Variants in STARD13 observed in about 807,000 individuals in gnomAD.
STARD13 encodes StAR related lipid transfer domain containing 13, also known as stAR-related lipid transfer protein 13.
A neutral mutation model predicts 106.4 loss-of-function variants in STARD13; 62 were observed. The observed-to-expected ratio is 0.58, with a 90% CI of 0.48 to 0.72. STARD13 has a LOEUF of 0.72. Among genes scored for constraint, STARD13 ranks in the 30% least tolerant of loss-of-function variants. The probability of loss-of-function intolerance (pLI) is 0.00; values close to 1 mark genes in which losing one functional copy is unlikely to be tolerated. For synonymous variants in STARD13, 565 were observed against 553.0 expected (o/e 1.02, Z -0.31); for missense variants, 1,387 against 1,424.0 (o/e 0.97, Z 0.42).
At chr13:33,388,000 A>G in the STARD13 span, among the ~76,000 whole-genome samples, 10 of 152,338 alleles carry the variant, frequency 6.6e-5, no homozygotes, top group South Asian at 2.1e-3. Flanking sequence ...CTGTAAGCAC[A>G]TGAGTGTCCT....
At chr13:33,551,603 T>TTTTTTTTTTTTTTTTTTTTTG in the STARD13 span, among the ~76,000 whole-genome samples, 1 of 85,660 alleles carries the variant, frequency 1.2e-5, no homozygotes, top group Admixed American at 1.3e-4. Context: ...TTTTTTTTTT[T>TTTTTTTTTTTTTTTTTTTTTG]TTTTTTTTTT....
At chr13:33,490,851 C>G in the STARD13 span, among the ~76,000 whole-genome samples, 1 of 152,224 alleles carries the variant, frequency 6.6e-6, no homozygotes, top group Non-Finnish European at 1.5e-5. Flanking sequence ...GCTGAAAGAG[C>G]TTTGTAACAC....
At chr13:33,254,236 A>G (rs925341536) in intron 1 of STARD13, among the ~76,000 whole-genome samples, 1 of 152,188 alleles carries the variant, frequency 6.6e-6, no homozygotes, top group African/African-American at 2.4e-5. Flanking sequence ...GGCAAAGAGG[A>G]TAATTTGTAC....
At chr13:33,500,440 C>T in the STARD13 span, among the ~76,000 whole-genome samples, 3 of 152,158 alleles carry the variant, frequency 2.0e-5, no homozygotes, top group Admixed American at 1.3e-4. Flanking sequence ...AGTTCTGTAT[C>T]ATTATACTTA....
At chr13:33,377,449 T>A in the STARD13 span, among the ~76,000 whole-genome samples, 2 of 152,242 alleles carry the variant, frequency 1.3e-5, no homozygotes, top group Admixed American at 1.3e-4. Flanking sequence ...GTCAAAGGTC[T>A]TTTATCTATC....
the STARD13 span, among the ~76,000 whole-genome samples, chr13:33,429,322 C>A: frequency 6.6e-6 from 1 of 152,110 alleles, no homozygotes; most frequent in Non-Finnish European, 1.5e-5. Context: ...CAGGGCCGGG[C>A]GTGGTGGCTC....
chr13:33,491,709 A>G, the STARD13 span, among the ~76,000 whole-genome samples: 1 of 152,242 alleles, frequency 6.6e-6, no homozygotes, highest in Non-Finnish European at 1.5e-5. Context: ...TCTAGAGTCC[A>G]GCCTAATCTG....
chr13:33,593,898 CT>C, the STARD13 span, among the ~76,000 whole-genome samples: 2 of 152,018 alleles, frequency 1.3e-5, no homozygotes, highest in Admixed American at 1.3e-4. Context: ...GCACCTACTT[CT>C]GTTTTTGTTT....
At chr13:33,137,472 T>C (rs1363504810) in intron 4 of STARD13, among the ~76,000 whole-genome samples, 1 of 152,220 alleles carries the variant, frequency 6.6e-6, no homozygotes, top group African/African-American at 2.4e-5. Context: ...GCTAAAGGGC[T>C]TCTGAGTGAA....
At chr13:33,177,841 G>T (rs1884749519) in intron 1 of STARD13, among the ~76,000 whole-genome samples, 1 of 20,442 alleles carries the variant, frequency 4.9e-5, no homozygotes, top group African/African-American at 3.9e-4. Flanking sequence ...AGGAAGGAAG[G>T]AAAGGAAGGA....
chr13:33,570,540 G>A, the STARD13 span, among the ~76,000 whole-genome samples: 1 of 148,116 alleles, frequency 6.8e-6, no homozygotes, highest in African/African-American at 2.5e-5. Flanking sequence ...CATTCCTACT[G>A]TAATTCGCTA....
the STARD13 span, among the ~76,000 whole-genome samples, chr13:33,577,773 A>G: frequency 6.6e-6 from 1 of 152,140 alleles, no homozygotes; most frequent in Non-Finnish European, 1.5e-5. Flanking sequence ...AGAAAATAAC[A>G]TAGGATAAAA....
chr13:33,664,921 C>T, the STARD13 span, among the ~76,000 whole-genome samples: 16 of 152,216 alleles, frequency 1.1e-4, no homozygotes, highest in Non-Finnish European at 1.5e-4. Flanking sequence ...CCACTACGCC[C>T]GGCCAAAAAC....
the STARD13 span, among the ~76,000 whole-genome samples, chr13:33,461,507 G>T: frequency 6.6e-6 from 1 of 152,146 alleles, no homozygotes; most frequent in African/African-American, 2.4e-5. Context: ...TGGGGACTCA[G>T]GTTTGTATTA....
the STARD13 span, among the ~76,000 whole-genome samples, chr13:33,460,457 C>T: frequency 0.011 from 1,607 of 150,946 alleles, 14 homozygotes; most frequent in Non-Finnish European, 0.017. Context: ...TGCCACTGCA[C>T]TCCAGCCTGG....
chr13:33,332,452 T>G (rs1343549072), intron 1 of STARD13, among the ~76,000 whole-genome samples: 3 of 152,164 alleles, frequency 2.0e-5, no homozygotes, highest in African/African-American at 7.2e-5. Context: ...TAAATGGGAT[T>G]AGTGACCTTA....
the STARD13 span, among the ~76,000 whole-genome samples, chr13:33,604,442 T>C: frequency 1.4e-4 from 21 of 152,154 alleles, no homozygotes; most frequent in African/African-American, 3.6e-4. Flanking sequence ...ACAAATATTT[T>C]ATCAATAGCA....
the STARD13 span, among the ~76,000 whole-genome samples, chr13:33,635,654 C>G: frequency 6.6e-6 from 1 of 150,414 alleles, no homozygotes; most frequent in African/African-American, 2.5e-5. Context: ...GAGAGCAAGA[C>G]TCCATCTCAA....
the STARD13 span, chr13:33,658,262 G>A: frequency 6.5e-6 from 1 of 152,910 alleles, no homozygotes; most frequent in Non-Finnish European, 1.5e-5. Flanking sequence ...GAAGGCTGAA[G>A]AGCAGTCCGT....
Sources: allele counts gnomAD v4.1 joint callset (sites outside exome capture counted in the v4.1 genomes callset), GRCh38; gene constraint gnomAD v4.1.1; transcripts MANE v1.5; gene names NCBI Gene and HGNC (gene_info 2026-07-23, HGNC 2026-07-21).